HDX: variants seen among roughly 807,000 people sequenced by gnomAD.
The protein encoded by HDX is chromosome X open reading frame 43.
HDX carries 19 observed loss-of-function variants against 45.2 expected under a neutral mutation model. The ratio of observed to expected loss-of-function variants is 0.42; its 90% CI spans 0.29 to 0.62. HDX has a LOEUF of 0.62. Among genes scored for constraint, HDX ranks in the 20% least tolerant of loss-of-function variants. The pLI, the probability that HDX is intolerant of heterozygous loss-of-function variation, is 0.20. For missense variants in HDX, 532 were observed against 493.9 expected (o/e 1.08, Z -0.73); for synonymous variants, 188 against 172.8 (o/e 1.09, Z -0.69).
intron 9 of HDX, among the ~76,000 whole-genome samples, chrX:84,331,785 A>G (rs1361272437): frequency 9.0e-6 from 1 of 111,636 alleles, no homozygotes; most frequent in African/African-American, 3.2e-5. Context: ...CCAATTGCCT[A>G]CAGTATTCAA....
intron 6 of HDX, among the ~76,000 whole-genome samples, chrX:84,351,139 C>T (rs1273975875): frequency 9.1e-6 from 1 of 109,934 alleles, no homozygotes; most frequent in Non-Finnish European, 1.9e-5. Context: ...GGGAAAGAGA[C>T]TTCTTTTACT....
chrX:84,333,482 A>G (rs1226737201), intron 9 of HDX, among the ~76,000 whole-genome samples: 1 of 111,379 alleles, frequency 9.0e-6, no homozygotes, highest in East Asian at 2.8e-4. Context: ...GCTTTGTCAT[A>G]CATTTCATGT....
rs2038646964 is a variant in HDX at position 84,399,493 on chromosome X, A to G, written c.1306-37881T>C. Among the ~76,000 whole-genome samples, 3 of 110,669 alleles carry G rather than the reference A, an allele frequency of 2.7e-5. No homozygotes were observed. In the Admixed American group the frequency reaches 2.9e-4, roughly 11 times the overall value. On this transcript the variant is annotated intron_variant, in intron 5 of 10. Transcript: ENST00000373177. ...AATGGATAAATTTCTGAACACATACACCCTCCAAGACTAAACCAGGAAGAA... is the reference window on the plus strand; with the variant it reads ...AATGGATAAATTTCTGAACACATACGCCCTCCAAGACTAAACCAGGAAGAA...
intron 5 of HDX, among the ~76,000 whole-genome samples, chrX:84,409,714 G>A (rs1371995525): frequency 6.2e-5 from 5 of 81,014 alleles, no homozygotes; most frequent in Admixed American, 3.0e-4. Flanking sequence ...CACATACCAG[G>A]CACTGTTGTG....
intron 1 of HDX, among the ~76,000 whole-genome samples, chrX:84,490,448 C>T (rs186188469): frequency 9.0e-6 from 1 of 111,579 alleles, no homozygotes; most frequent in East Asian, 2.8e-4. Flanking sequence ...GCTACTAAAT[C>T]CCAAATAAGT....
intron 5 of HDX, among the ~76,000 whole-genome samples, chrX:84,402,854 G>A (rs1281430432): frequency 9.0e-6 from 1 of 110,671 alleles, no homozygotes; most frequent in African/African-American, 3.3e-5. Context: ...TTAGTGTTTT[G>A]GATTTAGCCA....
At chrX:84,459,230 C>T (rs1000067807) in intron 4 of HDX, among the ~76,000 whole-genome samples, 17 of 111,108 alleles carry the variant, frequency 1.5e-4, no homozygotes, top group African/African-American at 5.6e-4. Context: ...ATCACGAGAT[C>T]AGGAGATCAA....
intron 4 of HDX, among the ~76,000 whole-genome samples, chrX:84,463,023 G>A (rs1415649398): frequency 9.0e-6 from 1 of 110,920 alleles, no homozygotes; most frequent in East Asian, 2.8e-4. Flanking sequence ...TGCCAGGATA[G>A]GGGATGCCGT....
At chrX:84,339,014 C>A (rs1425078376) in intron 7 of HDX, among the ~76,000 whole-genome samples, 1 of 111,422 alleles carries the variant, frequency 9.0e-6, no homozygotes, top group East Asian at 2.8e-4. Context: ...GCCTGCAGAA[C>A]TGTGAGCCAA....
At chrX:84,387,720 A>C (rs2038352021) in intron 5 of HDX, among the ~76,000 whole-genome samples, 1 of 111,372 alleles carries the variant, frequency 9.0e-6, no homozygotes, top group South Asian at 3.7e-4. Context: ...GTTACATGTG[A>C]GATGGATCTC....
At chrX:84,326,121 G>C (rs1327494546) in intron 10 of HDX, 57 bp downstream of exon 10, 4 of 1,116,376 alleles carry the variant, frequency 3.6e-6, no homozygotes, top group Middle Eastern at 2.4e-4. Flanking sequence ...ACCCAAGTGT[G>C]ACATACCATT....
chrX:84,370,929 A>C (rs1019719101), intron 5 of HDX, among the ~76,000 whole-genome samples: 3 of 112,555 alleles, frequency 2.7e-5, no homozygotes, highest in Non-Finnish European at 5.6e-5. Context: ...AATATGAAAT[A>C]GAAGAATTGT....
chrX:84,376,844 C>T (rs2038068340), intron 5 of HDX, among the ~76,000 whole-genome samples: 1 of 112,318 alleles, frequency 8.9e-6, no homozygotes, highest in African/African-American at 3.2e-5. Flanking sequence ...AAGGGAAGGA[C>T]CCCGGGTTGG....
intron 5 of HDX, among the ~76,000 whole-genome samples, chrX:84,411,979 A>G (rs1354781379): frequency 4.5e-5 from 5 of 111,330 alleles, no homozygotes; most frequent in Non-Finnish European, 9.4e-5. Flanking sequence ...AAATTATACT[A>G]TCAGCCCCCA....
At chrX:84,478,308 C>A (rs1364946102) in intron 2 of HDX, among the ~76,000 whole-genome samples, 2 of 111,655 alleles carry the variant, frequency 1.8e-5, no homozygotes, top group Non-Finnish European at 3.8e-5. Flanking sequence ...TCTATTCAAA[C>A]AAGCTGAACA....
chrX:84,433,189 T>G (rs1348646304), intron 5 of HDX, among the ~76,000 whole-genome samples: 1 of 111,490 alleles, frequency 9.0e-6, no homozygotes, highest in Non-Finnish European at 1.9e-5. Context: ...TCCGATTTAT[T>G]TTTTCTCTTG....
intron 5 of HDX, among the ~76,000 whole-genome samples, chrX:84,409,376 T>C (rs1009352465): frequency 1.8e-5 from 2 of 111,149 alleles, no homozygotes; most frequent in Admixed American, 1.9e-4. Context: ...TTACTGGGTA[T>C]ATACCCAAAG....
chrX:84,502,286 C>T (rs1302115941), intron 1 of HDX, 56 bp downstream of exon 1: 2 of 110,526 alleles, frequency 1.8e-5, no homozygotes, highest in Admixed American at 1.9e-4. Context: ...AGCATTATCC[C>T]GGTGCTTTGC....
At chrX:84,483,810 TTG>T (rs2040736756) in intron 2 of HDX, among the ~76,000 whole-genome samples, 1 of 112,116 alleles carries the variant, frequency 8.9e-6, no homozygotes, top group Non-Finnish European at 1.9e-5. Flanking sequence ...CTTGAATGCT[TTG>T]TCACTTAGAA....
Sources: gnomAD v4.1 joint callset for allele counts (sites outside exome capture counted in the v4.1 genomes callset) on GRCh38, gnomAD v4.1.1 for gene constraint, MANE v1.5 for transcripts, NCBI Gene and HGNC (gene_info 2026-07-23, HGNC 2026-07-21) for gene names.